Variants in METTL15 observed in about 807,000 individuals in gnomAD.
The protein encoded by METTL15 is 12S rRNA N(4)-cytidine methyltransferase METTL15.
METTL15 carries 34 observed loss-of-function variants against 38.3 expected under a neutral mutation model. That is an observed-to-expected ratio of 0.89 (90% CI 0.68 to 1.18). The LOEUF is 1.18. Ranked by LOEUF, METTL15 falls within the 50% of genes most tolerant of loss-of-function variation. METTL15 has a pLI of 0.00. For synonymous variants in METTL15, 162 were observed against 170.9 expected, an observed-to-expected ratio of 0.95 and a Z score of 0.41; for missense variants, 438 against 498.4, an observed-to-expected ratio of 0.88 and a Z score of 1.15.
intron 6 of METTL15, among the ~76,000 whole-genome samples, chr11:28,434,758 C>T (rs1850966521): frequency 6.6e-6 from 1 of 152,172 alleles, no homozygotes; most frequent in Non-Finnish European, 1.5e-5. Context: ...AGGCTCAGCT[C>T]ATTTTGCCAT....
At chr11:28,485,574 A>G (rs562363113) in intron 6 of METTL15, among the ~76,000 whole-genome samples, 1 of 152,184 alleles carries the variant, frequency 6.6e-6, no homozygotes, top group African/African-American at 2.4e-5. Flanking sequence ...ACTCAGATAC[A>G]TGCTGGGCAA....
chr11:28,396,662 T>C (rs1437181204), intron 5 of METTL15, among the ~76,000 whole-genome samples: 2 of 152,176 alleles, frequency 1.3e-5, no homozygotes, highest in African/African-American at 2.4e-5. Context: ...ATGGCCATAC[T>C]GCCCAAGGTA....
intron 4 of METTL15, among the ~76,000 whole-genome samples, chr11:28,242,473 A>G (rs1854340958): frequency 6.6e-6 from 1 of 152,238 alleles, no homozygotes; most frequent in Admixed American, 6.5e-5. Context: ...GATAATTTAG[A>G]GAACATCATT....
chr11:28,147,041 A>G lies in METTL15; in HGVS notation c.270+33437A>G, dbSNP rs189757569. Among the ~76,000 whole-genome samples, 10 of 152,060 alleles carry G rather than the reference A, an allele frequency of 6.6e-5. 1 individual carries two copies. In the East Asian group the frequency reaches 1.9e-3, roughly 29 times the overall value. On this transcript the variant is annotated intron_variant, in intron 3 of 6. Coordinates refer to ENST00000407364, the MANE Select transcript of METTL15 (RefSeq NM_001113528.2). ...CCAGGAAGGTATTTTGGCTTAAGAG[A>G]GCAAGTATGTTCTGGCAAAATGATA...
In METTL15 at chr11:28,331,762, TGAG is replaced by T. The variant is rs1392063182; in HGVS notation, c.*925_*927del. 5.3e-5 allele frequency: 8 copies of T among 152,234 alleles called. No individual in the cohort carries two copies. Among genetic ancestry groups the T allele is most frequent in the African/African-American group, 1.4e-4 (6 of 41,474 alleles). 9.4% of individuals were successfully genotyped at this position (152,234 alleles called of 1,614,324 possible). A position where few individuals can be genotyped will look rare whatever the true frequency, so the allele number is the denominator to read the frequency against. ...CTTGGTAGAAGATTCTTTAACAAAT[TGAG>T]GAGATTGATTCATAATTCACATGTC... On this transcript the variant is annotated 3_prime_UTR_variant, in exon 7 of 7. Coordinates refer to ENST00000407364, the MANE Select transcript of METTL15 (RefSeq NM_001113528.2).
intron 4 of METTL15, among the ~76,000 whole-genome samples, chr11:28,235,766 A>G (rs1292515911): frequency 6.6e-6 from 1 of 152,070 alleles, no homozygotes; most frequent in Non-Finnish European, 1.5e-5. Flanking sequence ...GGACAATTTG[A>G]CTTCCTGTTT....
At chr11:28,363,248 A>T (rs1413387187) in intron 5 of METTL15, among the ~76,000 whole-genome samples, 1 of 152,054 alleles carries the variant, frequency 6.6e-6, no homozygotes, top group Admixed American at 6.6e-5. Flanking sequence ...ATCTTAGCTC[A>T]CTGCAACCTC....
chr11:28,130,110 G>C (rs1048762744), intron 3 of METTL15, among the ~76,000 whole-genome samples: 1 of 152,084 alleles, frequency 6.6e-6, no homozygotes, highest in African/African-American at 2.4e-5. Context: ...AGGAGTTCGC[G>C]ATTAGCCTGG....
chr11:28,434,084 G>C (rs971188063), intron 6 of METTL15, among the ~76,000 whole-genome samples: 4 of 152,082 alleles, frequency 2.6e-5, no homozygotes, highest in African/African-American at 4.8e-5. Context: ...CCCACATGTC[G>C]TGGGGAGGAA....
intron 4 of METTL15, among the ~76,000 whole-genome samples, chr11:28,238,274 C>A (rs530064212): frequency 2.6e-5 from 4 of 152,318 alleles, no homozygotes; most frequent in Non-Finnish European, 4.4e-5. Context: ...GCGAGCTTCC[C>A]GGCTGCTTTG....
At chr11:28,188,908 G>A (rs1184252361) in intron 3 of METTL15, among the ~76,000 whole-genome samples, 3 of 151,076 alleles carry the variant, frequency 2.0e-5, no homozygotes, top group African/African-American at 7.3e-5. Context: ...CATTTAAATA[G>A]TGGCATAAAA....
At chr11:28,122,677 T>A (rs574417883) in intron 3 of METTL15, among the ~76,000 whole-genome samples, 79 of 151,784 alleles carry the variant, frequency 5.2e-4, no homozygotes, top group Middle Eastern at 7.0e-3. Flanking sequence ...AACTTTTTTT[T>A]AAAATTTGGC....
intron 5 of METTL15, among the ~76,000 whole-genome samples, chr11:28,369,205 A>G (rs1051797955): frequency 2.0e-5 from 3 of 151,944 alleles, no homozygotes; most frequent in Admixed American, 6.6e-5. Context: ...AATCAAGCAG[A>G]AGAAAGAATC....
chr11:28,321,413 T>C (rs1270918529), intron 6 of METTL15, among the ~76,000 whole-genome samples: 1 of 152,190 alleles, frequency 6.6e-6, no homozygotes, highest in Non-Finnish European at 1.5e-5. Context: ...TTAATAGAAG[T>C]ATTATAATTT....
At position 28,481,003 on chromosome 11, in the gene METTL15, A is replaced by C. The variant is rs113075270; in HGVS notation, c.*425-45475A>C. On this transcript the variant is annotated intron_variant and NMD_transcript_variant, in intron 6 of 7. Coordinates refer to the METTL15 transcript ENST00000532947. ...TCAAGAAGGTAATGTTTAGGCAGGA[A>C]GAAGAGAGAGAAAGAATAACGTATT... Among the ~76,000 whole-genome samples the C allele has an allele frequency of 7.9e-3, 1,199 of 152,290 alleles. 2 individuals are homozygous for C. Among genetic ancestry groups the C allele is most frequent in the African/African-American group, 0.014 (584 of 41,562 alleles).
chr11:28,159,267 C>T (rs1322170777), intron 3 of METTL15, among the ~76,000 whole-genome samples: 3 of 151,936 alleles, frequency 2.0e-5, no homozygotes, highest in African/African-American at 7.3e-5. Flanking sequence ...CAGTCTACTA[C>T]GCCGCAACGG....
At chr11:28,150,598 T>C (rs1339872846) in intron 3 of METTL15, among the ~76,000 whole-genome samples, 1 of 151,254 alleles carries the variant, frequency 6.6e-6, no homozygotes, top group Non-Finnish European at 1.5e-5. Flanking sequence ...AAATGAAAAA[T>C]CCCTCTCCTT....
At chr11:28,457,861 C>A (rs1851182190) in intron 6 of METTL15, among the ~76,000 whole-genome samples, 1 of 152,030 alleles carries the variant, frequency 6.6e-6, no homozygotes, top group Non-Finnish European at 1.5e-5. Context: ...GAGCTGGTGG[C>A]AGGATAAGGA....
At chr11:28,134,621 A>C (rs1586174) in intron 3 of METTL15, 62,596 of 398,358 alleles carry the variant, frequency 0.16, 5,360 homozygotes, top group East Asian at 0.28. Context: ...GTTTTGGAAA[A>C]GCGGCAGTTA....
Sources: gnomAD v4.1 joint callset for allele counts (sites outside exome capture counted in the v4.1 genomes callset) on GRCh38, gnomAD v4.1.1 for gene constraint, MANE v1.5 for transcripts, NCBI Gene and HGNC (gene_info 2026-07-23, HGNC 2026-07-21) for gene names.